RGS14: variants seen among roughly 807,000 people sequenced by gnomAD.
The protein encoded by RGS14 is regulator of G-protein signaling 14.
RGS14 carries 33 observed loss-of-function variants against 63.8 expected under a neutral mutation model. The observed-to-expected ratio is 0.52, with a 90% CI of 0.39 to 0.69. The LOEUF is 0.69. Ranked by LOEUF, RGS14 falls within the 30% of genes least tolerant of loss-of-function variation. The pLI is 0.00. For synonymous variants in RGS14, 296 were observed against 320.9 expected, an observed-to-expected ratio of 0.92 and a Z score of 0.83; for missense variants, 739 against 742.9, an observed-to-expected ratio of 0.99 and a Z score of 0.06.
chr5:177,368,876 C>T lies in RGS14; in HGVS notation c.1009C>T (p.Leu337Phe), dbSNP rs1762172504. The T allele has an allele frequency of 1.2e-6, 2 of 1,614,102 alleles. No individual in the cohort carries two copies. Among genetic ancestry groups the T allele is most frequent in the Non-Finnish European group, 1.7e-6 (2 of 1,180,050 alleles). The change falls in exon 9 of 15, where the codon CTC becomes TTC. Residue 337 changes from leucine to phenylalanine, a missense_variant. By Grantham distance (22) the Leu-to-Phe change is conservative. Coordinates refer to ENST00000408923, the MANE Select transcript of RGS14 (RefSeq NM_006480.5). ...MLAGICEKRGLSLPDIKVYLV... is the reference protein window; with the variant it reads ...MLAGICEKRGFSLPDIKVYLV... ...GGCAGGGATCTGTGAGAAACGAGGC[C>T]TCTCTCTACCTGACATCAAGGTCTA...
intron 5 of RGS14, 47 bp from the exon 6 acceptor site, chr5:177,367,367 C>A: frequency 5.2e-6 from 8 of 1,541,256 alleles, no homozygotes; most frequent in Non-Finnish European, 7.0e-6. Flanking sequence ...GGCAGCCCAG[C>A]GCCCCCACCC....
At chr5:177,368,077 C>T in intron 7 of RGS14, 80 bp from the exon 8 acceptor site, 1 of 1,553,242 alleles carries the variant, frequency 6.4e-7, no homozygotes, top group Non-Finnish European at 8.7e-7. Context: ...CCAAACAAGG[C>T]CCACCAGTGG....
At chr5:177,366,529 T>G in intron 3 of RGS14, 174 bp downstream of exon 3, 1 of 792,776 alleles carries the variant, frequency 1.3e-6, no homozygotes, top group Non-Finnish European at 2.0e-6. Context: ...TGTCCTTGTC[T>G]CTGCCTCTCA....
At position 177,366,165 on chromosome 5, in the gene RGS14, A is replaced by G; in HGVS notation, c.68-12A>G. On this transcript the variant is annotated splice_polypyrimidine_tract_variant and intron_variant, in intron 2 of 14. Transcript: ENST00000408923. ...CAGCAAGGCTCACCCCAACTTGTCC[A>G]TCCCCCTGCAGAGCTGAGCAGCACG... 2 of 1,601,256 alleles carry G rather than the reference A, an allele frequency of 1.2e-6. No individual in the cohort carries two copies. Among genetic ancestry groups the G allele is most frequent in the Non-Finnish European group, 1.7e-6 (2 of 1,173,408 alleles).
At chr5:177,361,131 GCT>G (rs904168850) in intron 1 of RGS14, among the ~76,000 whole-genome samples, 3 of 152,206 alleles carry the variant, frequency 2.0e-5, no homozygotes, top group Non-Finnish European at 2.9e-5. Flanking sequence ...AGCCCATGCA[GCT>G]CTCTCTTTGT....
intron 1 of RGS14, among the ~76,000 whole-genome samples, chr5:177,362,757 G>A (rs2127327175): frequency 6.6e-6 from 1 of 152,194 alleles, no homozygotes; most frequent in East Asian, 1.9e-4. Context: ...CAACCGCAAC[G>A]TGCCTCCGGG....
chr5:177,371,042 G>A lies in RGS14; in HGVS notation c.1254+11G>A. Reference sequence around the variant, plus strand: ...GTGGTGCTGCACCGGGTGAGCTTCCGGGCCGCGGGGCGGGGCGGGGCGGGG... The same window carrying A: ...GTGGTGCTGCACCGGGTGAGCTTCCAGGCCGCGGGGCGGGGCGGGGCGGGG... On this transcript the variant is annotated intron_variant, in intron 11 of 14. Coordinates refer to ENST00000408923, the MANE Select transcript of RGS14 (RefSeq NM_006480.5). This position sits in a 1 kb window ranked among gnomAD's most constrained non-coding sequence, Gnocchi z 6.1. 1 of 1,431,108 alleles carries A rather than the reference G, an allele frequency of 7.0e-7. No homozygotes were observed. Among genetic ancestry groups the A allele is most frequent in the Non-Finnish European group, 9.2e-7 (1 of 1,091,202 alleles). The allele number at this position is 1,431,108 out of a possible 1,614,324, so 88.7% of individuals were successfully genotyped here.
chr5:177,370,969 G>A lies in RGS14; in HGVS notation c.1192G>A (p.Glu398Lys), dbSNP rs1445764877. The A allele has an allele frequency of 1.2e-6, 2 of 1,607,780 alleles. No individual in the cohort carries two copies. Among genetic ancestry groups the A allele is most frequent in the South Asian group, 2.2e-5 (2 of 91,000 alleles). Reference sequence around the variant, plus strand: ...AGCCAAGCCCACCAAGCGGCTGCAGGAGGCGCTGCAGCCCATTCTGGAGAA... The same window carrying A: ...AGCCAAGCCCACCAAGCGGCTGCAGAAGGCGCTGCAGCCCATTCTGGAGAA... ...ISAKPTKRLQ[E>K]ALQPILEKHG... The change falls in exon 11 of 15, where the codon GAG (glutamate) becomes AAG (lysine). Residue 398 changes from glutamate to lysine, a missense_variant. Coordinates refer to ENST00000408923, the MANE Select transcript of RGS14 (RefSeq NM_006480.5).
intron 9 of RGS14, 22 bp downstream of exon 9, chr5:177,368,942 A>C: frequency 6.2e-7 from 1 of 1,607,002 alleles, no homozygotes; most frequent in Non-Finnish European, 8.5e-7. Flanking sequence ...ACCTGGCTCC[A>C]ACTCTAACCT....
Position 177,367,110 on chromosome 5 carries a change from T to C in RGS14, c.483+76T>C, listed in dbSNP as rs868735559. ...GGCGGGGTCGGACCCTGGCGGGGAG[T>C]CTGAACTACAAAGCGGAGGGGGCAA... On this transcript the variant is annotated intron_variant, in intron 5 of 14. Coordinates refer to ENST00000408923, the MANE Select transcript of RGS14 (RefSeq NM_006480.5). 1.5e-5 allele frequency: 23 copies of C among 1,517,240 alleles called. No homozygotes were observed. The African/African-American group carries it at 2.5e-4, about 17-fold the overall frequency. The allele number at this position is 1,517,240 out of a possible 1,614,324, so 94.0% of individuals were successfully genotyped here.
At position 177,366,168 on chromosome 5, in the gene RGS14, C is replaced by A; in HGVS notation, c.68-9C>A. On this transcript the variant is annotated splice_polypyrimidine_tract_variant and intron_variant, in intron 2 of 14. Coordinates refer to ENST00000408923, the MANE Select transcript of RGS14 (RefSeq NM_006480.5). ...CAAGGCTCACCCCAACTTGTCCATC[C>A]CCCTGCAGAGCTGAGCAGCACGACG... 1.2e-6 allele frequency: 2 copies of A among 1,602,760 alleles called. No homozygotes were observed. Among genetic ancestry groups the A allele is most frequent in the South Asian group, 2.2e-5 (2 of 89,352 alleles).
rs763411372 is a variant in RGS14, at chr5:177,359,622, C to T, written c.45+1553C>T. 3.3e-5 allele frequency among the ~76,000 whole-genome samples: 5 copies of T among 152,256 alleles called. No homozygotes were observed. Among genetic ancestry groups the T allele is most frequent in the African/African-American group, 4.8e-5 (2 of 41,466 alleles). The stretch of plus-strand genomic sequence containing the variant: ...CCCCCAGTTCCATCAAGCCCACAGA[C>T]GCCCCGGCTCCTCTCAGAACTGTCA... On this transcript the variant is annotated intron_variant, in intron 1 of 14. Transcript: ENST00000408923. This position sits in a 1 kb window ranked among gnomAD's most constrained non-coding sequence, Gnocchi z 4.4.
chr5:177,368,392 C>A (rs541678463), intron 8 of RGS14, 126 bp downstream of exon 8: 2 of 1,017,322 alleles, frequency 2.0e-6, no homozygotes, highest in Non-Finnish European at 2.8e-6. Context: ...TCTGCGTAGC[C>A]AACCCTTCAG....
intron 3 of RGS14, 146 bp from the exon 4 acceptor site, chr5:177,366,562 C>G (rs1163688985): frequency 9.6e-6 from 8 of 833,630 alleles, no homozygotes; most frequent in Non-Finnish European, 1.5e-5. Flanking sequence ...GTCTTCAGAT[C>G]GGTCTGGCTC....
rs1481772996 is a variant in RGS14, at chr5:177,359,723, A to C, written c.45+1654A>C. Reference sequence around the variant, plus strand: ...CACCTCTTAGAATCCCGAGGGTCACAGATTGGCTGCCTGCTGGTCACTGAG... The same window carrying C: ...CACCTCTTAGAATCCCGAGGGTCACCGATTGGCTGCCTGCTGGTCACTGAG... On this transcript the variant is annotated intron_variant, in intron 1 of 14. Coordinates refer to ENST00000408923, the MANE Select transcript of RGS14 (RefSeq NM_006480.5). This position sits in a 1 kb window ranked among gnomAD's most constrained non-coding sequence, Gnocchi z 4.4. 1.3e-5 allele frequency among the ~76,000 whole-genome samples: 2 copies of C among 152,236 alleles called. No individual in the cohort carries two copies. The highest frequency in any genetic ancestry group is 2.9e-5 in the Non-Finnish European group (2 of 68,042).
At chr5:177,360,566 T>TA (rs750301708) in intron 1 of RGS14, among the ~76,000 whole-genome samples, 4,166 of 64,660 alleles carry the variant, frequency 0.064, 178 homozygotes, top group African/African-American at 0.12. Flanking sequence ...GATCCTATAT[T>TA]AAAAAAAAAA....
intron 6 of RGS14, 59 bp from the exon 7 acceptor site, chr5:177,367,655 C>T (rs1762133914): frequency 1.3e-6 from 2 of 1,590,680 alleles, no homozygotes; most frequent in Non-Finnish European, 1.7e-6. Flanking sequence ...AGTCTGTGCC[C>T]ACGGTCTGCA....
rs1762092659 is a variant in RGS14, at chr5:177,366,343, G to C, written c.234G>C (p.Leu78=). 1.3e-6 allele frequency: 2 copies of C among 1,547,350 alleles called. No individual in the cohort carries two copies. The highest frequency in any genetic ancestry group is 1.7e-6 in the Non-Finnish European group (2 of 1,145,666). Residue 78 remains leucine, a synonymous_variant, in exon 3 of 15, where the codon CTG becomes CTC. Transcript: ENST00000408923. ...GGCTGTTGCAGGACCCGCTGGGCCT[G>C]GCTTACTTCACTGTAAGCCTGGGGT... ...FERLLQDPLG[L]AYFTEFLKKE...
Position 177,372,105 on chromosome 5 carries a change from T to A in RGS14, c.*30T>A, listed in dbSNP as rs1762287351. On this transcript the variant is annotated 3_prime_UTR_variant, in exon 15 of 15. Coordinates refer to ENST00000408923, the MANE Select transcript of RGS14 (RefSeq NM_006480.5). ...TACCCAACAGTCCAGGACAGCTGCA[T>A]GGCACCCGGCGGGCCGAGCATGCCA... is the stretch of plus-strand genomic sequence containing the variant. 6.3e-7 allele frequency: 1 copy of A among 1,597,946 alleles called. No homozygotes were observed. Among genetic ancestry groups the A allele is most frequent in the Admixed American group, 1.7e-5 (1 of 59,498 alleles).
Sources: gnomAD v4.1 joint callset for allele counts (sites outside exome capture counted in the v4.1 genomes callset) on GRCh38, gnomAD v4.1.1 for gene constraint, Gnocchi (gnomAD v3.1) non-coding constraint, MANE v1.5 for transcripts, NCBI Gene and HGNC (gene_info 2026-07-23, HGNC 2026-07-21) for gene names.